Variants in DCC observed in about 807,000 individuals in gnomAD.
The protein encoded by DCC is DCC netrin 1 receptor, also known as netrin receptor DCC.
A neutral mutation model predicts 172.5 loss-of-function variants in DCC; 58 were observed. The observed-to-expected ratio is 0.34, with a 90% CI of 0.27 to 0.42. The LOEUF (loss-of-function observed/expected upper bound fraction) is 0.42. DCC is among the 10% of genes least tolerant of loss of function. DCC has a pLI of 1.00. For missense variants in DCC, 1,740 were observed against 1,791.0 expected (o/e 0.97, Z 0.51); for synonymous variants, 709 against 644.5 (o/e 1.10, Z -1.52).
At chr18:53,116,577 T>C (rs1338778862) in intron 7 of DCC, among the ~76,000 whole-genome samples, 1 of 151,716 alleles carries the variant, frequency 6.6e-6, no homozygotes, top group Non-Finnish European at 1.5e-5. Flanking sequence ...CTTTTTTTGA[T>C]TTGTTACACA....
chr18:53,008,196 T>G (rs2041673971), intron 5 of DCC, among the ~76,000 whole-genome samples: 1 of 152,158 alleles, frequency 6.6e-6, no homozygotes, highest in Non-Finnish European at 1.5e-5. Flanking sequence ...ATTGCTCTGC[T>G]AATGAATTTC....
At chr18:52,404,816 C>G (rs1598790745) in intron 1 of DCC, among the ~76,000 whole-genome samples, 1 of 126,390 alleles carries the variant, frequency 7.9e-6, no homozygotes, top group Middle Eastern at 4.5e-3. Flanking sequence ...TCCCCCCTCC[C>G]CCCACCCGAC....
At chr18:53,041,906 G>T (rs187813190) in intron 5 of DCC, among the ~76,000 whole-genome samples, 29 of 152,086 alleles carry the variant, frequency 1.9e-4, no homozygotes, top group African/African-American at 6.7e-4. Context: ...AGGGGTTTTG[G>T]GGCTGAGATG....
At chr18:52,711,929 G>C (rs1361158986) in intron 1 of DCC, among the ~76,000 whole-genome samples, 6 of 151,996 alleles carry the variant, frequency 3.9e-5, no homozygotes, top group African/African-American at 1.2e-4. Context: ...CTGCTCAGTG[G>C]ACTATAAAAG....
intron 5 of DCC, among the ~76,000 whole-genome samples, chr18:52,997,802 C>T (rs567321944): frequency 6.6e-6 from 1 of 152,108 alleles, no homozygotes; most frequent in South Asian, 2.1e-4. Context: ...TTTTTGTTTT[C>T]AATAGGTTCA....
intron 21 of DCC, among the ~76,000 whole-genome samples, chr18:53,422,389 A>G (rs747510079): frequency 6.6e-6 from 1 of 152,106 alleles, no homozygotes; most frequent in Non-Finnish European, 1.5e-5. Context: ...ATTCACCTCT[A>G]TGTATCTTTA....
intron 3 of DCC, among the ~76,000 whole-genome samples, chr18:52,917,137 C>CAAAAAAAAAAAAAAAAAAAAAAAAAAAA (rs146388621): frequency 1.1e-5 from 1 of 94,814 alleles, no homozygotes; most frequent in Non-Finnish European, 2.3e-5. Flanking sequence ...AAAAAGAAAA[C>CAAAAAAAAAAAAAAAAAAAAAAAAAAAA]AAAAAAAAAA....
intron 20 of DCC, among the ~76,000 whole-genome samples, chr18:53,414,258 A>G (rs1244376472): frequency 6.6e-6 from 1 of 152,196 alleles, no homozygotes; most frequent in Non-Finnish European, 1.5e-5. Flanking sequence ...TAAATTCTGC[A>G]GCTCTACTAT....
intron 2 of DCC, among the ~76,000 whole-genome samples, chr18:52,795,846 A>G (rs570805196): frequency 7.6e-4 from 115 of 151,972 alleles, no homozygotes; most frequent in Non-Finnish European, 1.5e-3. Flanking sequence ...CATTGATGCA[A>G]TAGTTGCTCA....
chr18:53,439,966 C>T (rs994918629), intron 22 of DCC, among the ~76,000 whole-genome samples: 27 of 151,108 alleles, frequency 1.8e-4, no homozygotes, highest in African/African-American at 5.1e-4. Context: ...GGGGTTTCAC[C>T]GTTTTAGCCG....
At chr18:52,522,601 C>A (rs2031855907) in intron 1 of DCC, among the ~76,000 whole-genome samples, 2 of 152,134 alleles carry the variant, frequency 1.3e-5, no homozygotes, top group Admixed American at 1.3e-4. Context: ...GAATTGGCAA[C>A]CTTTCTCTAA....
intron 15 of DCC, among the ~76,000 whole-genome samples, chr18:53,351,291 G>GTGTA (rs370537393): frequency 8.7e-5 from 3 of 34,454 alleles, no homozygotes; most frequent in East Asian, 1.3e-3. Context: ...ATTGAGTACA[G>GTGTA]TATATATATA....
chr18:52,879,078 G>A (rs981123221), intron 2 of DCC, among the ~76,000 whole-genome samples: 23 of 152,284 alleles, frequency 1.5e-4, no homozygotes, highest in African/African-American at 4.1e-4. Context: ...AATACCAGGT[G>A]CAGGAAATAC....
At chr18:52,509,891 T>C (rs1339364113) in intron 1 of DCC, among the ~76,000 whole-genome samples, 1 of 151,688 alleles carries the variant, frequency 6.6e-6, no homozygotes, top group Non-Finnish European at 1.5e-5. Context: ...TCACCGGAGG[T>C]CCGGAGTTCG....
intron 1 of DCC, among the ~76,000 whole-genome samples, chr18:52,599,746 T>C (rs1277063396): frequency 6.6e-6 from 1 of 152,086 alleles, no homozygotes; most frequent in Non-Finnish European, 1.5e-5. Context: ...ACTCCTGACC[T>C]CAGGTGATCC....
chr18:52,749,162 A>C (rs62081896), intron 1 of DCC, among the ~76,000 whole-genome samples: 15,084 of 152,218 alleles, frequency 0.099, 953 homozygotes, highest in Middle Eastern at 0.21. Context: ...ACTGCACTCC[A>C]GCCTGGGAGA....
At chr18:53,087,311 G>A (rs563970157) in intron 7 of DCC, among the ~76,000 whole-genome samples, 2 of 151,524 alleles carry the variant, frequency 1.3e-5, no homozygotes, top group East Asian at 4.0e-4. Flanking sequence ...CTGTGAGATG[G>A]TATCTCATTG....
intron 1 of DCC, among the ~76,000 whole-genome samples, chr18:52,648,083 G>C (rs2035053680): frequency 6.6e-6 from 1 of 152,196 alleles, no homozygotes. Flanking sequence ...TCCAGCTTAA[G>C]TGAAATATGT....
chr18:53,007,470 G>A (rs1358372788), intron 5 of DCC, among the ~76,000 whole-genome samples: 1 of 151,976 alleles, frequency 6.6e-6, no homozygotes, highest in Non-Finnish European at 1.5e-5. Context: ...TAAGAGCTGA[G>A]GTAGCAACTG....
Sources: gnomAD v4.1 joint callset for allele counts (sites outside exome capture counted in the v4.1 genomes callset) on GRCh38, gnomAD v4.1.1 for gene constraint, MANE v1.5 for transcripts, NCBI Gene and HGNC (gene_info 2026-07-23, HGNC 2026-07-21) for gene names.